The following TXNRD3 variants were observed in gnomAD, a reference collection of about 807,000 sequenced individuals.
TXNRD3 encodes TXNRD3 neighbor gene protein.
TXNRD3 carries 68 observed loss-of-function variants against 78.2 expected under a neutral mutation model. The ratio of observed to expected loss-of-function variants is 0.87; its 90% CI spans 0.72 to 1.06. The LOEUF (loss-of-function observed/expected upper bound fraction) is 1.06, where lower values mean the gene tolerates loss of function less well. Among genes scored for constraint, TXNRD3 ranks in the 50% least tolerant of loss-of-function variants. The pLI is 0.00. For missense variants in TXNRD3, 751 were observed against 809.5 expected (o/e 0.93, Z 0.88); for synonymous variants, 296 against 300.1 (o/e 0.99, Z 0.14).
intron 10 of TXNRD3, 52 bp from the exon 11 acceptor site, chr3:126,622,592 G>T: frequency 7.5e-7 from 1 of 1,329,952 alleles, no homozygotes; most frequent in Non-Finnish European, 1.0e-6. Flanking sequence ...GGGAATGAAA[G>T]AAGGAACATC....
intron 15 of TXNRD3, 50 bp from the exon 16 acceptor site, chr3:126,608,023 T>TA (rs1244661553): frequency 1.0e-5 from 13 of 1,301,400 alleles, no homozygotes; most frequent in African/African-American, 3.0e-5. Flanking sequence ...AGTATTGTTT[T>TA]AAAAAAACAC....
At chr3:126,623,710 G>A (rs1381286092) in intron 10 of TXNRD3, among the ~76,000 whole-genome samples, 2 of 152,078 alleles carry the variant, frequency 1.3e-5, no homozygotes, top group Non-Finnish European at 2.9e-5. Context: ...TAAAAGGCAA[G>A]TGTAGCAAAC....
At chr3:126,608,428 G>T in intron 15 of TXNRD3, 71 bp downstream of exon 15, 1 of 1,396,326 alleles carries the variant, frequency 7.2e-7, no homozygotes, top group Non-Finnish European at 9.4e-7. Context: ...ACATCTTTCT[G>T]ACAAGTGCTT....
At chr3:126,652,915 C>A (rs972226277) in intron 1 of TXNRD3, among the ~76,000 whole-genome samples, 1 of 152,222 alleles carries the variant, frequency 6.6e-6, no homozygotes, top group African/African-American at 2.4e-5. Flanking sequence ...CCGCCCCTAA[C>A]AAAGGGACTC....
chr3:126,615,270 A>T, intron 13 of TXNRD3, 85 bp downstream of exon 13: 1 of 605,576 alleles, frequency 1.7e-6, no homozygotes, highest in Non-Finnish European at 2.7e-6. Context: ...AGTAACTTGC[A>T]AAATGATGAA....
intron 13 of TXNRD3, among the ~76,000 whole-genome samples, chr3:126,612,960 T>C (rs1938232366): frequency 6.6e-6 from 1 of 152,234 alleles, no homozygotes; most frequent in Non-Finnish European, 1.5e-5. Context: ...CATTCTGTTC[T>C]ACTGATCTTG....
chr3:126,648,449 T>C (rs994250565), intron 1 of TXNRD3, among the ~76,000 whole-genome samples: 3 of 152,098 alleles, frequency 2.0e-5, no homozygotes, highest in African/African-American at 4.8e-5. Context: ...CAAAACTTAC[T>C]ACAAAGATAC....
At chr3:126,645,363 G>A (rs1933201469) in intron 3 of TXNRD3, among the ~76,000 whole-genome samples, 2 of 152,214 alleles carry the variant, frequency 1.3e-5, no homozygotes, top group African/African-American at 4.8e-5. Context: ...GGCAAGACAA[G>A]CACTTCAGAA....
chr3:126,627,811 T>C (rs1938614516), intron 10 of TXNRD3, among the ~76,000 whole-genome samples: 1 of 152,194 alleles, frequency 6.6e-6, no homozygotes. Flanking sequence ...ATTCTAATGT[T>C]ACATGAACTT....
intron 1 of TXNRD3, among the ~76,000 whole-genome samples, chr3:126,652,826 A>G (rs1933421113): frequency 6.6e-6 from 1 of 152,270 alleles, no homozygotes; most frequent in South Asian, 2.1e-4. Context: ...ATAAGCAAAT[A>G]TAAATTATTG....
intron 2 of TXNRD3, 54 bp downstream of exon 2, chr3:126,647,182 C>T (rs1472933849): frequency 1.7e-5 from 23 of 1,328,172 alleles, no homozygotes; most frequent in Non-Finnish European, 2.3e-5. Context: ...GGAAAGAAGT[C>T]AATCTCGCTG....
chr3:126,617,547 G>C (rs573282275), intron 12 of TXNRD3, among the ~76,000 whole-genome samples: 318 of 152,262 alleles, frequency 2.1e-3, no homozygotes, highest in Admixed American at 4.4e-3. Context: ...GAGAATCCGT[G>C]CCCAAACCTC....
Position 126,608,483 on chromosome 3 carries a change from ACCT to A in TXNRD3, c.1863+13_1863+15del. ...ACATCAACTGAAGCCAATTTTTAAA[ACCT>A]CCTGTTTCCTACCTCCCCACATGTG... On this transcript the variant is annotated intron_variant, in intron 15 of 15. Transcript: ENST00000524230. 1.3e-6 allele frequency: 2 copies of A among 1,512,080 alleles called. No homozygotes were observed. Among genetic ancestry groups the A allele is most frequent in the Non-Finnish European group, 1.8e-6 (2 of 1,137,146 alleles). The allele number at this position is 1,512,080 out of a possible 1,614,324, so 93.7% of individuals were successfully genotyped here. A position where few individuals can be genotyped will look rare whatever the true frequency, so the allele number is the denominator to read the frequency against.
intron 14 of TXNRD3, among the ~76,000 whole-genome samples, 181 bp downstream of exon 14, chr3:126,610,856 G>A (rs566905272): frequency 2.1e-4 from 32 of 152,170 alleles, no homozygotes; most frequent in Non-Finnish European, 3.8e-4. Context: ...TAAAAGTGCA[G>A]CAGTCCCAGC....
At chr3:126,647,421 GGTTTTT>G (rs1194615762) in intron 1 of TXNRD3, 125 bp from the exon 2 acceptor site, 2 of 704,506 alleles carry the variant, frequency 2.8e-6, no homozygotes. Flanking sequence ...GCCAACGTGT[GGTTTTT>G]GTTTTTGTTT....
rs114477114 is a variant in TXNRD3, at chr3:126,624,830, A to G, written c.1291-2290T>C. The G allele has an allele frequency of 3.5e-3, 718 of 203,598 alleles. 3 individuals are homozygous for G. Among genetic ancestry groups the G allele is most frequent in the African/African-American group, 0.015 (659 of 43,248 alleles). 12.6% of individuals were successfully genotyped at this position (203,598 alleles called of 1,614,324 possible). On this transcript the variant is annotated intron_variant, in intron 10 of 15. Transcript: ENST00000524230. ...GTATGCTCTATACAATCCATAACAC[A>G]TGTGATGAGGTAGAAAATAAAGTGG...
At chr3:126,643,190 T>G (rs1053368318) in intron 5 of TXNRD3, among the ~76,000 whole-genome samples, 1 of 152,166 alleles carries the variant, frequency 6.6e-6, no homozygotes, top group African/African-American at 2.4e-5. Context: ...TACCCCAAAG[T>G]GGCCAAGCTG....
intron 6 of TXNRD3, 34 bp from the exon 7 acceptor site, chr3:126,634,085 T>A: frequency 6.9e-7 from 1 of 1,442,228 alleles, no homozygotes; most frequent in Non-Finnish European, 9.1e-7. Context: ...AGATGTTAGG[T>A]GAATTTTACC....
Position 126,631,951 on chromosome 3 carries a change from C to G in TXNRD3, c.856-72G>C. The G allele has an allele frequency of 3.1e-6, 3 of 958,984 alleles. No homozygotes were observed. In the South Asian group the frequency reaches 4.3e-5, roughly 14 times the overall value. 59.4% of individuals were successfully genotyped at this position (958,984 alleles called of 1,614,324 possible). The stretch of plus-strand genomic sequence containing the variant: ...CCAGACACCCTGGACAAAATAGTTA[C>G]TACCCTCATGGAGCTTCTCATTCAA... On this transcript the variant is annotated intron_variant, in intron 7 of 15. Coordinates refer to ENST00000524230, the MANE Select transcript of TXNRD3 (RefSeq NM_052883.3).
Sources: gnomAD v4.1 joint callset for allele counts (sites outside exome capture counted in the v4.1 genomes callset) on GRCh38, gnomAD v4.1.1 for gene constraint, MANE v1.5 for transcripts, NCBI Gene and HGNC (gene_info 2026-07-23, HGNC 2026-07-21) for gene names.